The following PLPP4 variants were observed in gnomAD, a reference collection of about 807,000 sequenced individuals.
PLPP4 encodes phospholipid phosphatase 4, also known as diacylglycerol pyrophosphate like 2.
Under a neutral mutation model 32.2 loss-of-function variants are expected in PLPP4, and 20 were observed. The ratio of observed to expected loss-of-function variants is 0.62; its 90% CI spans 0.44 to 0.90. The LOEUF (loss-of-function observed/expected upper bound fraction) is 0.90, where lower values mean the gene tolerates loss of function less well. PLPP4 is among the 40% of genes least tolerant of loss of function. The pLI, the probability that PLPP4 is intolerant of heterozygous loss-of-function variation, is 0.00. For synonymous variants in PLPP4, 127 were observed against 133.0 expected, an observed-to-expected ratio of 0.95 and a Z score of 0.31; for missense variants, 257 against 353.1, an observed-to-expected ratio of 0.73 and a Z score of 2.18.
intron 1 of PLPP4, among the ~76,000 whole-genome samples, chr10:120,492,134 C>A (rs1844750391): frequency 1.3e-5 from 2 of 152,180 alleles, no homozygotes; most frequent in African/African-American, 4.8e-5. Context: ...ATGAGCAGGG[C>A]AACTTAACTG....
chr10:120,525,104 GGAACA>G (rs1171866117), intron 5 of PLPP4, among the ~76,000 whole-genome samples: 5 of 152,164 alleles, frequency 3.3e-5, no homozygotes, highest in African/African-American at 1.2e-4. Flanking sequence ...GAGTTTTACG[GGAACA>G]CAGAGATGCC....
intron 5 of PLPP4, among the ~76,000 whole-genome samples, chr10:120,540,509 G>T (rs553084813): frequency 2.6e-5 from 4 of 152,290 alleles, no homozygotes; most frequent in African/African-American, 9.6e-5. Context: ...GGGCAGGACC[G>T]CTGTGAGCCC....
chr10:120,528,294 TC>T (rs1319977314), intron 5 of PLPP4, among the ~76,000 whole-genome samples: 5 of 152,086 alleles, frequency 3.3e-5, no homozygotes, highest in African/African-American at 1.2e-4. Flanking sequence ...CAGGATGGTC[TC>T]CATCTCCTGA....
At chr10:120,584,121 G>A (rs1016165972) in intron 6 of PLPP4, among the ~76,000 whole-genome samples, 1 of 152,112 alleles carries the variant, frequency 6.6e-6, no homozygotes, top group Non-Finnish European at 1.5e-5. Flanking sequence ...TTTGTCATCA[G>A]CACCTTCTCA....
At chr10:120,582,426 C>T (rs1216172688) in intron 6 of PLPP4, among the ~76,000 whole-genome samples, 2 of 152,140 alleles carry the variant, frequency 1.3e-5, no homozygotes, top group Non-Finnish European at 2.9e-5. Flanking sequence ...GTCCAAATTT[C>T]CCCTCTTTAT....
At chr10:120,462,241 T>C (rs1421220869) in intron 1 of PLPP4, among the ~76,000 whole-genome samples, 2 of 122,994 alleles carry the variant, frequency 1.6e-5, no homozygotes, top group Admixed American at 8.3e-5. Flanking sequence ...TGGGTGGGTG[T>C]GGGAGTGGCA....
At position 120,591,232 on chromosome 10, in the gene PLPP4, G is replaced by T. The variant is rs1285725858; in HGVS notation, c.*1730G>T. On this transcript the variant is annotated 3_prime_UTR_variant, in exon 7 of 7. Transcript: ENST00000398250. ...GTTAAGCTCCATGGGCTTAAGCTTG[G>T]AGTGCATGTACCACTGACTATGCTC... Among the ~76,000 whole-genome samples the T allele has an allele frequency of 2.0e-5, 3 of 152,134 alleles. No homozygotes were observed. The highest frequency in any genetic ancestry group is 2.9e-5 in the Non-Finnish European group (2 of 68,032).
intron 4 of PLPP4, among the ~76,000 whole-genome samples, chr10:120,520,234 A>AGAGAG: frequency 6.6e-6 from 1 of 152,166 alleles, no homozygotes; most frequent in Non-Finnish European, 1.5e-5. Flanking sequence ...GTCCTAGACC[A>AGAGAG]GAGAGGCCAA....
chr10:120,497,961 A>T (rs1845049502), intron 1 of PLPP4, among the ~76,000 whole-genome samples: 1 of 152,062 alleles, frequency 6.6e-6, no homozygotes, highest in Middle Eastern at 3.2e-3. Context: ...AATGGCGTGA[A>T]CCTGGGAGGC....
intron 5 of PLPP4, among the ~76,000 whole-genome samples, chr10:120,558,792 TG>T (rs1848284659): frequency 6.6e-6 from 1 of 152,212 alleles, no homozygotes; most frequent in Admixed American, 6.5e-5. Context: ...ATCATTCTAA[TG>T]CTCATGGACA....
intron 6 of PLPP4, among the ~76,000 whole-genome samples, chr10:120,578,347 G>C (rs1374737128): frequency 6.6e-6 from 1 of 152,300 alleles, no homozygotes. Flanking sequence ...GTTTTCCTTT[G>C]GTGAACTGAG....
At chr10:120,529,742 T>C in intron 5 of PLPP4, among the ~76,000 whole-genome samples, 1 of 151,918 alleles carries the variant, frequency 6.6e-6, no homozygotes, top group Non-Finnish European at 1.5e-5. Context: ...TTGAAAGCCC[T>C]CAACACAAGG....
chr10:120,520,531 A>G (rs1475726609), intron 4 of PLPP4, among the ~76,000 whole-genome samples: 1 of 152,246 alleles, frequency 6.6e-6, no homozygotes, highest in East Asian at 1.9e-4. Context: ...GTAGATCAAG[A>G]CAGGAAGTAA....
At chr10:120,530,156 A>G (rs1846634033) in intron 5 of PLPP4, among the ~76,000 whole-genome samples, 1 of 152,212 alleles carries the variant, frequency 6.6e-6, no homozygotes, top group African/African-American at 2.4e-5. Flanking sequence ...ATTTTAAGGT[A>G]AAATTAGCAT....
chr10:120,556,031 G>A (rs1242235882), intron 5 of PLPP4, among the ~76,000 whole-genome samples: 1 of 152,148 alleles, frequency 6.6e-6, no homozygotes, highest in East Asian at 1.9e-4. Context: ...AGCTAAAGTG[G>A]TAAGGCCTGT....
rs1253552558 is a variant in PLPP4, at chr10:120,591,473, T to C, written c.*1971T>C. 1.3e-5 allele frequency among the ~76,000 whole-genome samples: 2 copies of C among 152,132 alleles called. No homozygotes were observed. Among genetic ancestry groups the C allele is most frequent in the Non-Finnish European group, 2.9e-5 (2 of 68,022 alleles). ...ATTTTAAGAGATAAATCATAGCAATTGAAAAGACATAATTTTAAATTCTGA... is the reference window on the plus strand; with the variant it reads ...ATTTTAAGAGATAAATCATAGCAATCGAAAAGACATAATTTTAAATTCTGA... On this transcript the variant is annotated 3_prime_UTR_variant, in exon 7 of 7. Transcript: ENST00000398250.
At chr10:120,519,619 C>T (rs570782049) in intron 4 of PLPP4, among the ~76,000 whole-genome samples, 1 of 152,200 alleles carries the variant, frequency 6.6e-6, no homozygotes, top group South Asian at 2.1e-4. Context: ...GGCCTCACCC[C>T]TCTGAGGTTC....
chr10:120,500,340 G>A (rs1297304175), intron 1 of PLPP4, among the ~76,000 whole-genome samples: 1 of 152,190 alleles, frequency 6.6e-6, no homozygotes, highest in Non-Finnish European at 1.5e-5. Flanking sequence ...CTCACAGAGT[G>A]GGGGTGTGTG....
intron 5 of PLPP4, among the ~76,000 whole-genome samples, chr10:120,536,794 CTG>C (rs1847047609): frequency 6.6e-6 from 1 of 151,750 alleles, no homozygotes; most frequent in African/African-American, 2.4e-5. Flanking sequence ...TACTTGCAAA[CTG>C]TATATCAAAT....
Sources: gnomAD v4.1 joint callset for allele counts (sites outside exome capture counted in the v4.1 genomes callset) on GRCh38, gnomAD v4.1.1 for gene constraint, MANE v1.5 for transcripts, NCBI Gene and HGNC (gene_info 2026-07-23, HGNC 2026-07-21) for gene names.